The following SLC43A2 variants were observed in gnomAD, a reference collection of about 807,000 sequenced individuals.
SLC43A2 encodes the protein large neutral amino acids transporter small subunit 4.
In SLC43A2, 38 loss-of-function variants were observed where a neutral mutation model predicts 63.2. The observed-to-expected ratio is 0.60, with a 90% confidence interval of 0.46 to 0.79. The LOEUF is 0.79. Among genes scored for constraint, SLC43A2 ranks in the 30% least tolerant of loss-of-function variants. The probability of loss-of-function intolerance (pLI) is 0.00; values close to 1 mark genes in which losing one functional copy is unlikely to be tolerated. For missense variants in SLC43A2, 644 were observed against 756.2 expected, an observed-to-expected ratio of 0.85 and a Z score of 1.74; for synonymous variants, 322 against 331.0, an observed-to-expected ratio of 0.97 and a Z score of 0.30.
intron 5 of SLC43A2, among the ~76,000 whole-genome samples, chr17:1,595,549 G>C (rs188164813): frequency 4.3e-4 from 66 of 152,076 alleles, no homozygotes; most frequent in African/African-American, 1.5e-3. Context: ...AAGTTCAAGC[G>C]AGTCTCCTGC....
chr17:1,600,015 G>C (rs1248939085), intron 5 of SLC43A2, among the ~76,000 whole-genome samples: 6 of 145,414 alleles, frequency 4.1e-5, no homozygotes. Flanking sequence ...CTGCACTCCA[G>C]CCTGGGTGAC....
At chr17:1,586,924 A>G in intron 9 of SLC43A2, 10 of 1,470,214 alleles carry the variant, frequency 6.8e-6, no homozygotes, top group Non-Finnish European at 9.2e-6. Context: ...GCATTCCCTG[A>G]CAATCCCCCC....
Position 1,618,756 on chromosome 17 carries a change from G to A in SLC43A2, c.161-1987C>T, listed in dbSNP as rs376442134. 2.3e-4 allele frequency among the ~76,000 whole-genome samples: 35 copies of A among 152,314 alleles called. No individual in the cohort carries two copies. In the East Asian group the frequency reaches 4.2e-3, roughly 18 times the overall value. ...TCCCAGCACTTTGGGAGGCAGAGGC[G>A]GGTGGATCGCCCGAGGTCAGGAGTT... On this transcript the variant is annotated intron_variant, in intron 2 of 13. Transcript: ENST00000301335.
chr17:1,587,598 G>A (rs1330229310), intron 9 of SLC43A2, among the ~76,000 whole-genome samples: 2 of 152,182 alleles, frequency 1.3e-5, no homozygotes, highest in African/African-American at 2.4e-5. Flanking sequence ...CTGGTCTAGA[G>A]GCCCTTGGCT....
chr17:1,592,311 T>C (rs1176599522), intron 6 of SLC43A2, among the ~76,000 whole-genome samples: 2 of 152,284 alleles, frequency 1.3e-5, no homozygotes, highest in African/African-American at 4.8e-5. Flanking sequence ...CCTGTAATCC[T>C]AGCTCCTTGG....
Position 1,627,806 on chromosome 17 carries a change from G to T in SLC43A2, c.69C>A (p.Asn23Lys), listed in dbSNP as rs900148197. 1 of 1,597,082 alleles carries T rather than the reference G, an allele frequency of 6.3e-7. No homozygotes were observed. Among genetic ancestry groups the T allele is most frequent in the Non-Finnish European group, 8.5e-7 (1 of 1,172,112 alleles). The change falls in exon 2 of 14, where the codon AAC becomes AAA. Residue 23 changes from asparagine to lysine, a missense_variant. Around this residue, in one of 3 missense-constraint regions of SLC43A2, gnomAD observed 528 missense variants for 623.6 expected, o/e 0.85. Transcript: ENST00000301335. ...CCAGGAGGACTGCCGAGAAGAGGAG[G>T]TTCTCCAGCACGGCCGTGCAGGCCA... ...WWMACTAVLE[N>K]LLFSAVLLGW...
At chr17:1,594,762 G>A (rs890394551) in intron 5 of SLC43A2, among the ~76,000 whole-genome samples, 4 of 151,482 alleles carry the variant, frequency 2.6e-5, no homozygotes, top group African/African-American at 7.3e-5. Flanking sequence ...TAATTTTTTT[G>A]TATTTTCAGT....
chr17:1,577,423 C>G lies in SLC43A2; in HGVS notation c.1425-703G>C, dbSNP rs2075951035. Among the ~76,000 whole-genome samples, 2 of 152,146 alleles carry G rather than the reference C, an allele frequency of 1.3e-5. No homozygotes were observed. The highest frequency in any genetic ancestry group is 6.5e-5 in the Admixed American group (1 of 15,278). ...ACTCAGCACCACAGATCCCGCCCCC[C>G]TCCCTCAGACCCTGCCAGGACAGCC... On this transcript the variant is annotated intron_variant, in intron 12 of 13. Coordinates refer to ENST00000301335, the MANE Select transcript of SLC43A2 (RefSeq NM_152346.3). The surrounding 1 kb of genome is among the most constrained non-coding windows in gnomAD (Gnocchi z 4.9).
chr17:1,597,677 T>C (rs910540398), intron 5 of SLC43A2, among the ~76,000 whole-genome samples: 82 of 151,842 alleles, frequency 5.4e-4, no homozygotes, highest in African/African-American at 1.9e-3. Flanking sequence ...CGGGCACCTG[T>C]AATCCCAGCT....
rs1179676981 is a variant in SLC43A2, at chr17:1,583,155, CTTCT to C, written c.1350+45_1350+48del. On this transcript the variant is annotated intron_variant, in intron 11 of 13. Transcript: ENST00000301335. The surrounding 1 kb of genome is among the most constrained non-coding windows in gnomAD (Gnocchi z 5.5). ...CACACTTTTGAGTCTTTACATGTTC[CTTCT>C]GACTGCCCCACCTCCCACCTGCCCC... The C allele has an allele frequency of 6.3e-7, 1 of 1,592,706 alleles. No homozygotes were observed. Among genetic ancestry groups the C allele is most frequent in the Admixed American group, 1.7e-5 (1 of 59,436 alleles).
intron 6 of SLC43A2, 40 bp from the exon 7 acceptor site, chr17:1,591,739 G>GCCC: frequency 2.0e-6 from 1 of 512,282 alleles, no homozygotes; most frequent in Non-Finnish European, 3.9e-6. Flanking sequence ...GGGGGAGGGG[G>GCCC]CAGAGTTAGC....
chr17:1,610,551 G>A (rs916429762), intron 5 of SLC43A2, among the ~76,000 whole-genome samples: 3 of 150,728 alleles, frequency 2.0e-5, no homozygotes, highest in East Asian at 4.1e-4. Context: ...TTACAGGTGT[G>A]AGCAACTGCT....
In SLC43A2 at chr17:1,578,627, A is replaced by T; in HGVS notation, c.1351-304T>A. 1 of 332,202 alleles carries T rather than the reference A, an allele frequency of 3.0e-6. No homozygotes were observed. Among genetic ancestry groups the T allele is most frequent in the Admixed American group, 4.5e-5 (1 of 22,344 alleles). 20.6% of individuals were successfully genotyped at this position (332,202 alleles called of 1,614,324 possible). A position where few individuals can be genotyped will look rare whatever the true frequency, so the allele number is the denominator to read the frequency against. ...ACTGCAAGCTTCGCCTCCTGGATTC[A>T]AGCAATTCTCCTGCCTCAGCCTTCG... On this transcript the variant is annotated intron_variant, in intron 11 of 13. Coordinates refer to ENST00000301335, the MANE Select transcript of SLC43A2 (RefSeq NM_152346.3). The surrounding 1 kb of genome is among the most constrained non-coding windows in gnomAD (Gnocchi z 6.5).
intron 2 of SLC43A2, 97 bp downstream of exon 2, chr17:1,627,618 A>AT (rs1908776066): frequency 5.1e-6 from 5 of 984,098 alleles, no homozygotes; most frequent in Non-Finnish European, 7.2e-6. Flanking sequence ...GCACTGGGCA[A>AT]TGCGGTGCTG....
chr17:1,603,072 A>T (rs896404686), intron 5 of SLC43A2: 5 of 152,044 alleles, frequency 3.3e-5, no homozygotes, highest in African/African-American at 9.7e-5. Flanking sequence ...GGTTTTAAAG[A>T]TCATAAATAG....
At chr17:1,591,230 C>G (rs1904740950) in intron 8 of SLC43A2, 39 bp downstream of exon 8, 1 of 1,594,694 alleles carries the variant, frequency 6.3e-7, no homozygotes, top group Non-Finnish European at 8.5e-7. Context: ...CCACAGAGCA[C>G]TCCCTGCCCG....
At chr17:1,581,218 A>ACACACACACACACACG (rs1410562252) in intron 11 of SLC43A2, among the ~76,000 whole-genome samples, 8 of 151,858 alleles carry the variant, frequency 5.3e-5, no homozygotes, top group East Asian at 1.9e-4. Context: ...ACACACACAC[A>ACACACACACACACACG]CACGCACGCT....
At chr17:1,621,537 A>G (rs1026148645) in intron 2 of SLC43A2, among the ~76,000 whole-genome samples, 2 of 152,200 alleles carry the variant, frequency 1.3e-5, no homozygotes, top group African/African-American at 2.4e-5. Flanking sequence ...AGCAAACAAC[A>G]GGCAGGAGGG....
At chr17:1,607,403 CAA>C (rs971859016) in intron 5 of SLC43A2, among the ~76,000 whole-genome samples, 3 of 152,168 alleles carry the variant, frequency 2.0e-5, no homozygotes, top group African/African-American at 7.2e-5. Flanking sequence ...CCAGTCAGCC[CAA>C]GAGTGTTGCT....
Sources: gnomAD v4.1 joint callset for allele counts (sites outside exome capture counted in the v4.1 genomes callset) on GRCh38, gnomAD v4.1.1 for gene constraint, gnomAD v4.1.1 regional missense constraint, Gnocchi (gnomAD v3.1) non-coding constraint, MANE v1.5 for transcripts, NCBI Gene and HGNC (gene_info 2026-07-23, HGNC 2026-07-21) for gene names.